The following NOD2 variants were observed in gnomAD, a reference collection of about 807,000 sequenced individuals.
NOD2 encodes the protein nucleotide-binding oligomerization domain-containing protein 2.
A neutral mutation model predicts 90.9 loss-of-function variants in NOD2; 86 were observed. The observed-to-expected ratio is 0.95, with a 90% CI of 0.79 to 1.13. The LOEUF (loss-of-function observed/expected upper bound fraction) is 1.13, where lower values mean the gene tolerates loss of function less well. Among genes scored for constraint, NOD2 ranks in the 50% most tolerant of loss-of-function variants. The probability of loss-of-function intolerance (pLI) is 0.00; values close to 1 mark genes in which losing one functional copy is unlikely to be tolerated. For synonymous variants in NOD2, 581 were observed against 554.6 expected (o/e 1.05, Z -0.67); for missense variants, 1,238 against 1,283.8 (o/e 0.96, Z 0.55).
At chr16:50,705,973 T>A (rs983307774) in intron 2 of NOD2, among the ~76,000 whole-genome samples, 2 of 152,166 alleles carry the variant, frequency 1.3e-5, no homozygotes, top group African/African-American at 4.8e-5. Flanking sequence ...TGATAAGTGC[T>A]GTAGAAAGTA....
chr16:50,725,254 G>A (rs1965223297), intron 9 of NOD2, among the ~76,000 whole-genome samples: 3 of 152,190 alleles, frequency 2.0e-5, no homozygotes, highest in Non-Finnish European at 4.4e-5. Context: ...AAGGAAAGAT[G>A]GAGATCAGGA....
In NOD2 at chr16:50,710,664, A is replaced by G; in HGVS notation, c.672A>G (p.Ile224Met). 6.2e-7 allele frequency: 1 copy of G among 1,614,182 alleles called. No homozygotes were observed. The highest frequency in any genetic ancestry group is 2.2e-5 in the East Asian group (1 of 44,874). Reference sequence around the variant, plus strand: ...CAGAGACGCTCTGCCTGGAGGACATATACACAGAGAATGTCCTGGAGGTCT... The same window carrying G: ...CAGAGACGCTCTGCCTGGAGGACATGTACACAGAGAATGTCCTGGAGGTCT... ...DGAETLCLEDIYTENVLEVWA... is the reference protein window; with the variant it reads ...DGAETLCLEDMYTENVLEVWA... Residue 224 changes from isoleucine (I) to methionine (M), a missense_variant, in exon 4 of 12, where the codon ATA becomes ATG. Ile to Met is a conservative substitution (Grantham distance 10). Transcript: ENST00000647318.
chr16:50,729,806 C>A lies in NOD2; in HGVS notation c.2886-12C>A. ...GAATCCTTGAAGCTCACCATTGTAT[C>A]TTCTTTTCCAGGTTGTCCAATAACT... On this transcript the variant is annotated splice_polypyrimidine_tract_variant and intron_variant, in intron 10 of 11. Transcript: ENST00000647318. 1 of 1,608,816 alleles carries A rather than the reference C, an allele frequency of 6.2e-7. No homozygotes were observed. The highest frequency in any genetic ancestry group is 8.5e-7 in the Non-Finnish European group (1 of 1,175,768).
At chr16:50,709,054 T>C (rs1290934018) in intron 3 of NOD2, among the ~76,000 whole-genome samples, 2 of 152,174 alleles carry the variant, frequency 1.3e-5, no homozygotes, top group Non-Finnish European at 2.9e-5. Flanking sequence ...ATGACATTTT[T>C]TTTTTCTGGA....
At chr16:50,720,760 G>A (rs1460248852) in intron 7 of NOD2, among the ~76,000 whole-genome samples, 1 of 152,196 alleles carries the variant, frequency 6.6e-6, no homozygotes, top group Non-Finnish European at 1.5e-5. Context: ...AGGTGTTCCA[G>A]CCCATTTCAC....
Position 50,711,720 on chromosome 16 carries a change from C to T in NOD2, c.1728C>T (p.His576=). 6.2e-7 allele frequency: 1 copy of T among 1,614,154 alleles called. No homozygotes were observed. Among genetic ancestry groups the T allele is most frequent in the Non-Finnish European group, 8.5e-7 (1 of 1,180,046 alleles). ...PGSTAPLEFL[H]ITFQCFFAAF... is the part of the protein sequence containing the mutation. ...GTACGGCGCCCCTGGAATTCCTTCACATCACTTTCCAGTGCTTCTTTGCCG... is the reference window on the plus strand; with the variant it reads ...GTACGGCGCCCCTGGAATTCCTTCATATCACTTTCCAGTGCTTCTTTGCCG... Residue 576 remains histidine (H), a synonymous_variant, in exon 4 of 12, where the codon CAC becomes CAT. Coordinates refer to ENST00000647318, the MANE Select transcript of NOD2 (RefSeq NM_001370466.1).
intron 10 of NOD2, among the ~76,000 whole-genome samples, chr16:50,729,445 G>A (rs1027942337): frequency 6.6e-6 from 1 of 152,082 alleles, no homozygotes; most frequent in Non-Finnish European, 1.5e-5. Context: ...GATGGCACGG[G>A]TACTCTTTTA....
chr16:50,707,871 A>G lies in NOD2; in HGVS notation c.476A>G (p.Asp159Gly), dbSNP rs1239172723. The G allele has an allele frequency of 6.2e-7, 1 of 1,613,798 alleles. No individual in the cohort carries two copies. The highest frequency in any genetic ancestry group is 1.7e-5 in the Admixed American group (1 of 60,034). The change falls in exon 3 of 12, where the codon GAT becomes GGT. Residue 159 changes from aspartate (D) to glycine (G), a missense_variant. By Grantham distance (94) the Asp-to-Gly change is moderately conservative. Coordinates refer to ENST00000647318, the MANE Select transcript of NOD2 (RefSeq NM_001370466.1). ...TPSQRARRLLDLATVKANGLA... is the reference protein window; with the variant it reads ...TPSQRARRLLGLATVKANGLA... Reference sequence around the variant, plus strand: ...TTCCTGTAGGCAAGAAGGCTGCTTGATCTTGCCACGGTGAAAGCGAATGGA... The same window carrying G: ...TTCCTGTAGGCAAGAAGGCTGCTTGGTCTTGCCACGGTGAAAGCGAATGGA...
At chr16:50,717,039 C>A in intron 6 of NOD2, 65 bp downstream of exon 6, 1 of 1,433,466 alleles carries the variant, frequency 7.0e-7, no homozygotes, top group Non-Finnish European at 9.9e-7. Context: ...TCAGTCTGAT[C>A]TGGTCTTGGC....
chr16:50,699,189 T>A (rs1963807114), intron 1 of NOD2, among the ~76,000 whole-genome samples: 1 of 152,162 alleles, frequency 6.6e-6, no homozygotes, highest in Non-Finnish European at 1.5e-5. Flanking sequence ...CTCTTGCTCC[T>A]AATATTACCT....
In NOD2 at chr16:50,716,953, G is replaced by A. The variant is rs768889214; in HGVS notation, c.2528G>A (p.Arg843Lys). ...AHSMAKLLAC[R>K]QNFLALRLGN... The stretch of plus-strand genomic sequence containing the variant: ...TCCATGGCTAAGCTCCTTGCATGCA[G>A]GCAGAACTTCTTGGCATTGAGGTGA... Residue 843 changes from arginine to lysine, a missense_variant, in exon 6 of 12, where the codon AGG becomes AAG. Physicochemically the swap from Arg to Lys is conservative, Grantham distance 26. This residue lies in a region of NOD2 where 667 missense variants were observed against 688.7 expected (regional missense o/e 0.97). Coordinates refer to ENST00000647318, the MANE Select transcript of NOD2 (RefSeq NM_001370466.1). 6.2e-6 allele frequency: 10 copies of A among 1,614,246 alleles called. No homozygotes were observed. Among genetic ancestry groups the A allele is most frequent in the Non-Finnish European group, 8.5e-6 (10 of 1,180,036 alleles).
chr16:50,730,235 G>A (rs908530145), intron 11 of NOD2, among the ~76,000 whole-genome samples: 1 of 152,226 alleles, frequency 6.6e-6, no homozygotes, highest in African/African-American at 2.4e-5. Flanking sequence ...TGCCTTCACA[G>A]GTCAAGGATA....
Position 50,710,678 on chromosome 16 carries a change from T to G in NOD2, c.686T>G (p.Val229Gly). 6.2e-7 allele frequency: 1 copy of G among 1,613,912 alleles called. No homozygotes were observed. The highest frequency in any genetic ancestry group is 8.5e-7 in the Non-Finnish European group (1 of 1,179,842). The change falls in exon 4 of 12, where the codon GTC (valine) becomes GGC (glycine). Residue 229 changes from valine (V) to glycine (G), a missense_variant. By Grantham distance (109) the Val-to-Gly change is moderately radical. This residue lies in a region of NOD2 where 567 missense variants were observed against 577.3 expected (regional missense o/e 0.98). Coordinates refer to ENST00000647318, the MANE Select transcript of NOD2 (RefSeq NM_001370466.1). ...LCLEDIYTEN[V>G]LEVWADVGMA... is the part of the protein sequence containing the mutation. Reference sequence around the variant, plus strand: ...CTGGAGGACATATACACAGAGAATGTCCTGGAGGTCTGGGCAGATGTGGGC... The same window carrying G: ...CTGGAGGACATATACACAGAGAATGGCCTGGAGGTCTGGGCAGATGTGGGC...
At chr16:50,723,875 T>C (rs1298695822) in intron 9 of NOD2, among the ~76,000 whole-genome samples, 1 of 152,096 alleles carries the variant, frequency 6.6e-6, no homozygotes, top group African/African-American at 2.4e-5. Context: ...ACTACTACTA[T>C]TACTGCTGCT....
chr16:50,694,972 C>T (rs1567377184), intron 1 of NOD2, among the ~76,000 whole-genome samples: 2 of 152,054 alleles, frequency 1.3e-5, no homozygotes. Flanking sequence ...GAAGGCTTCC[C>T]CAAGACCACG....
At chr16:50,723,209 G>T in intron 8 of NOD2, 92 bp from the exon 9 acceptor site, 1 of 955,064 alleles carries the variant, frequency 1.0e-6, no homozygotes, top group East Asian at 2.6e-5. Flanking sequence ...GAGCAGACCA[G>T]GAGAGCACCA....
chr16:50,697,657 C>T (rs1248269998), intron 1 of NOD2: 1 of 386,990 alleles, frequency 2.6e-6, no homozygotes, highest in East Asian at 6.1e-5. Flanking sequence ...GAGGAGAACT[C>T]CTTGGCCTGA....
intron 6 of NOD2, among the ~76,000 whole-genome samples, chr16:50,717,667 GGGCCACATAGCTC>G (rs1567399878): frequency 1.3e-5 from 2 of 152,138 alleles, no homozygotes; most frequent in African/African-American, 4.8e-5. Context: ...TTAAAATGGC[GGGCCACATAGCTC>G]AGTCTCGGCA....
chr16:50,726,669 T>C (rs1316869451), intron 10 of NOD2, among the ~76,000 whole-genome samples: 1 of 152,194 alleles, frequency 6.6e-6, no homozygotes, highest in East Asian at 1.9e-4. Context: ...TTGACTCCCA[T>C]GGATGCCAGG....
Sources: gnomAD v4.1 joint callset for allele counts (sites outside exome capture counted in the v4.1 genomes callset) on GRCh38, gnomAD v4.1.1 for gene constraint, gnomAD v4.1.1 regional missense constraint, MANE v1.5 for transcripts, NCBI Gene and HGNC (gene_info 2026-07-23, HGNC 2026-07-21) for gene names.